KLHL13: variants seen among roughly 807,000 people sequenced by gnomAD.
The protein encoded by KLHL13 is kelch like family member 13.
In KLHL13, 10 loss-of-function variants were observed where a neutral mutation model predicts 37.1. The observed-to-expected ratio is 0.27, with a 90% CI of 0.17 to 0.46. KLHL13 has a LOEUF of 0.46. KLHL13 is among the 20% of genes least tolerant of loss of function. KLHL13 has a pLI of 1.00. For missense variants in KLHL13, 360 were observed against 509.3 expected (o/e 0.71, Z 2.82); for synonymous variants, 163 against 181.2 (o/e 0.90, Z 0.81).
At chrX:117,928,726 A>G (rs906412133) in intron 2 of KLHL13, among the ~76,000 whole-genome samples, 1 of 111,911 alleles carries the variant, frequency 8.9e-6, no homozygotes, top group Non-Finnish European at 1.9e-5. Flanking sequence ...GTCAATGACT[A>G]TATTAAAAAA....
chrX:118,074,328 G>A (rs2054906091), intron 1 of KLHL13, among the ~76,000 whole-genome samples: 1 of 111,933 alleles, frequency 8.9e-6, no homozygotes, highest in African/African-American at 3.2e-5. Flanking sequence ...ATATTTATGA[G>A]TCTGACCTGG....
At chrX:117,962,041 A>AAATAATAATAATAATAATAATAAT (rs778789872) in intron 1 of KLHL13, among the ~76,000 whole-genome samples, 1,197 of 102,299 alleles carry the variant, frequency 0.012, 37 homozygotes, top group African/African-American at 0.043. Flanking sequence ...TCATCTCTAC[A>AAATAATAATAATAATAATAATAAT]AATAATAATA....
At chrX:117,945,781 C>T (rs1053613762) in intron 1 of KLHL13, 1 of 319,529 alleles carries the variant, frequency 3.1e-6, no homozygotes, top group South Asian at 1.1e-4. Context: ...ACAGAATATA[C>T]AGATGATAAC....
chrX:118,083,678 C>G (rs993717604), intron 1 of KLHL13, among the ~76,000 whole-genome samples: 4 of 110,872 alleles, frequency 3.6e-5, no homozygotes, highest in African/African-American at 1.3e-4. Context: ...GGGGTGACTA[C>G]AGTTAACAAT....
At chrX:118,115,224 A>C (rs918462598) in intron 1 of KLHL13, among the ~76,000 whole-genome samples, 5 of 112,647 alleles carry the variant, frequency 4.4e-5, no homozygotes, top group African/African-American at 1.3e-4. Flanking sequence ...TCTATTTCCA[A>C]AAACACAGCT....
intron 1 of KLHL13, among the ~76,000 whole-genome samples, chrX:117,953,937 G>A (rs1011098037): frequency 8.9e-6 from 1 of 111,733 alleles, no homozygotes; most frequent in Non-Finnish European, 1.9e-5. Context: ...TAGGGAGGTA[G>A]TAAATCCTAG....
chrX:117,981,697 G>T (rs2053663434), intron 1 of KLHL13, among the ~76,000 whole-genome samples: 1 of 111,033 alleles, frequency 9.0e-6, no homozygotes, highest in South Asian at 3.8e-4. Flanking sequence ...ATACTGTTCA[G>T]AAATTAAACA....
chrX:117,982,709 C>G (rs1381056275), intron 1 of KLHL13, among the ~76,000 whole-genome samples: 1 of 112,341 alleles, frequency 8.9e-6, no homozygotes, highest in African/African-American at 3.2e-5. Flanking sequence ...ACAAGTACTA[C>G]AGCTGATTAT....
chrX:118,111,895 G>A (rs771967545), intron 1 of KLHL13, among the ~76,000 whole-genome samples: 8 of 111,451 alleles, frequency 7.2e-5, no homozygotes, highest in South Asian at 3.7e-4. Context: ...GCGAGACTCC[G>A]TCTAAAAAAA....
chrX:118,092,982 A>G (rs772375953), intron 1 of KLHL13, among the ~76,000 whole-genome samples: 7 of 111,645 alleles, frequency 6.3e-5, no homozygotes, highest in Non-Finnish European at 1.1e-4. Flanking sequence ...CCTAATAGTG[A>G]AAAAATTTTA....
At chrX:118,028,838 A>G (rs1322711008) in intron 1 of KLHL13, among the ~76,000 whole-genome samples, 1 of 111,591 alleles carries the variant, frequency 9.0e-6, no homozygotes, top group African/African-American at 3.3e-5. Flanking sequence ...AAAAAATATT[A>G]AACGGAGAAT....
Position 117,920,521 on chromosome X carries a change from A to G in KLHL13, c.241-151T>C, listed in dbSNP as rs990504537. On this transcript the variant is annotated intron_variant, in intron 2 of 6. Coordinates refer to ENST00000262820, the Ensembl canonical transcript of KLHL13. Reference sequence around the variant, plus strand: ...CGGGAGAAGAAAAAATAACTGCACAACTTTCCTGATATGTGACAATGCATG... The same window carrying G: ...CGGGAGAAGAAAAAATAACTGCACAGCTTTCCTGATATGTGACAATGCATG... 7 of 522,807 alleles carry G rather than the reference A, an allele frequency of 1.3e-5. No individual in the cohort carries two copies. In the African/African-American group the frequency reaches 1.5e-4, roughly 11 times the overall value. 43.1% of individuals were successfully genotyped at this position (522,807 alleles called of 1,213,427 possible).
intron 1 of KLHL13, among the ~76,000 whole-genome samples, chrX:118,102,176 T>C (rs2055296926): frequency 9.0e-6 from 1 of 111,594 alleles, no homozygotes; most frequent in Non-Finnish European, 1.9e-5. Context: ...ATGAAGCAAA[T>C]GTGTAGCTGA....
At chrX:118,082,743 T>G (rs997296497) in intron 1 of KLHL13, among the ~76,000 whole-genome samples, 1 of 112,051 alleles carries the variant, frequency 8.9e-6, no homozygotes, top group Non-Finnish European at 1.9e-5. Context: ...GATTTAATTC[T>G]GTAATCCATT....
chrX:117,988,113 T>C (rs1334670247), intron 1 of KLHL13, among the ~76,000 whole-genome samples: 2 of 112,182 alleles, frequency 1.8e-5, no homozygotes, highest in African/African-American at 6.5e-5. Context: ...ATTATTTCCT[T>C]AGGGCCTGGT....
chrX:117,951,327 T>C (rs1933588278), intron 1 of KLHL13, among the ~76,000 whole-genome samples: 1 of 112,279 alleles, frequency 8.9e-6, no homozygotes, highest in African/African-American at 3.2e-5. Flanking sequence ...TATAGTATCA[T>C]TACACAAAGA....
chrX:117,968,537 T>A (rs1277770339), intron 1 of KLHL13, among the ~76,000 whole-genome samples: 2 of 111,958 alleles, frequency 1.8e-5, no homozygotes, highest in African/African-American at 6.5e-5. Flanking sequence ...TAGGTGTTAG[T>A]TGTGTTATTT....
intron 1 of KLHL13, among the ~76,000 whole-genome samples, chrX:118,036,374 T>C (rs2054441301): frequency 8.9e-6 from 1 of 111,864 alleles, no homozygotes; most frequent in African/African-American, 3.3e-5. Context: ...CAAAACAGCA[T>C]GGTGCTGGTA....
chrX:117,985,362 G>A, intron 1 of KLHL13: 4 of 1,072,432 alleles, frequency 3.7e-6, no homozygotes, highest in Non-Finnish European at 4.8e-6. Context: ...GCTAGGCTCT[G>A]CTACATAGTA....
Sources: gnomAD v4.1 joint callset for allele counts (sites outside exome capture counted in the v4.1 genomes callset) on GRCh38, gnomAD v4.1.1 for gene constraint, MANE v1.5 for transcripts, NCBI Gene and HGNC (gene_info 2026-07-23, HGNC 2026-07-21) for gene names.